Variants in AK9 observed in about 807,000 individuals in gnomAD.
AK9 encodes adenylate kinase 9.
A neutral mutation model predicts 239.6 loss-of-function variants in AK9; 191 were observed. The ratio of observed to expected loss-of-function variants is 0.80; its 90% CI spans 0.71 to 0.90. The LOEUF (loss-of-function observed/expected upper bound fraction) is 0.90, where lower values mean the gene tolerates loss of function less well. Ranked by LOEUF, AK9 falls within the 40% of genes least tolerant of loss-of-function variation. The probability of loss-of-function intolerance (pLI) is 0.00; values close to 1 mark genes in which losing one functional copy is unlikely to be tolerated. For synonymous variants in AK9, 689 were observed against 721.0 expected (o/e 0.96, Z 0.71); for missense variants, 1,995 against 2,214.7 (o/e 0.90, Z 1.99).
chr6:109,500,744 G>A (rs1479628764), intron 35 of AK9, among the ~76,000 whole-genome samples: 1 of 152,198 alleles, frequency 6.6e-6, no homozygotes, highest in Non-Finnish European at 1.5e-5. Flanking sequence ...TCAGCCAGGT[G>A]TGGTGGCTCA....
intron 12 of AK9, among the ~76,000 whole-genome samples, chr6:109,625,666 A>T (rs1010364002): frequency 3.9e-5 from 6 of 152,122 alleles, no homozygotes; most frequent in African/African-American, 1.4e-4. Context: ...TCATCCTGAA[A>T]CCATCCTCCA....
At chr6:109,580,033 T>C (rs1397167813) in intron 19 of AK9, among the ~76,000 whole-genome samples, 1 of 152,176 alleles carries the variant, frequency 6.6e-6, no homozygotes, top group Non-Finnish European at 1.5e-5. Context: ...AGAATGCATA[T>C]AAATGAGGAT....
chr6:109,514,853 C>T (rs981261312), intron 31 of AK9, among the ~76,000 whole-genome samples: 4 of 152,130 alleles, frequency 2.6e-5, no homozygotes, highest in Admixed American at 2.6e-4. Flanking sequence ...GAGGCCCTAG[C>T]ACCCCAAGTG....
chr6:109,634,573 A>G (rs1796493576), intron 10 of AK9, among the ~76,000 whole-genome samples: 1 of 152,214 alleles, frequency 6.6e-6, no homozygotes. Flanking sequence ...ATGATCTTCC[A>G]TGGACCACTG....
At chr6:109,579,368 C>A in intron 20 of AK9, 182 bp downstream of exon 20, 2 of 554,182 alleles carry the variant, frequency 3.6e-6, no homozygotes, top group Non-Finnish European at 6.4e-6. Flanking sequence ...ATTTAGTATA[C>A]AAACTGGAAC....
intron 26 of AK9, among the ~76,000 whole-genome samples, chr6:109,543,541 G>C (rs1783154365): frequency 6.6e-6 from 1 of 151,990 alleles, no homozygotes; most frequent in Non-Finnish European, 1.5e-5. Context: ...TCCGCCTCCT[G>C]GGTTCAAGTG....
At chr6:109,630,033 T>C (rs1795956476) in intron 12 of AK9, among the ~76,000 whole-genome samples, 1 of 152,210 alleles carries the variant, frequency 6.6e-6, no homozygotes, top group Non-Finnish European at 1.5e-5. Flanking sequence ...ATAAGACCCT[T>C]GCACTATCTA....
intron 5 of AK9, among the ~76,000 whole-genome samples, chr6:109,666,140 T>G (rs972290420): frequency 3.9e-5 from 6 of 152,214 alleles, no homozygotes; most frequent in African/African-American, 1.4e-4. Context: ...GGCTCTACCC[T>G]CTGAGAGATG....
intron 9 of AK9, 68 bp from the exon 10 acceptor site, chr6:109,641,684 T>TG: frequency 1.4e-6 from 2 of 1,396,660 alleles, no homozygotes; most frequent in South Asian, 2.4e-5. Context: ...GAAACAGTGG[T>TG]GGGCTTATGA....
At chr6:109,597,361 C>T (rs1052832808) in intron 17 of AK9, among the ~76,000 whole-genome samples, 3 of 152,074 alleles carry the variant, frequency 2.0e-5, no homozygotes, top group African/African-American at 4.8e-5. Flanking sequence ...TTGAAACAAA[C>T]GTTAAAAATT....
intron 39 of AK9, chr6:109,494,621 G>A (rs190311752): frequency 6.6e-6 from 1 of 152,490 alleles, no homozygotes; most frequent in Admixed American, 6.5e-5. Flanking sequence ...TCCCCTATGG[G>A]TGGGCCTCAT....
intron 8 of AK9, among the ~76,000 whole-genome samples, chr6:109,655,550 C>T (rs1799570463): frequency 6.6e-6 from 1 of 152,148 alleles, no homozygotes; most frequent in South Asian, 2.1e-4. Context: ...GAAATTGAAG[C>T]TATCATTCTT....
Position 109,499,186 on chromosome 6 carries a change from C to A in AK9, c.4904G>T (p.Arg1635Leu), listed in dbSNP as rs749268272. 1 of 1,592,032 alleles carries A rather than the reference C, an allele frequency of 6.3e-7. No individual in the cohort carries two copies. The change falls in exon 36 of 41, where the codon CGC becomes CTC. Residue 1635 changes from arginine (R) to leucine (L), a missense_variant. This residue lies in a region of AK9 where 391 missense variants were observed against 456.0 expected (regional missense o/e 0.86). Transcript: ENST00000424296. ...GCAGAACTGTTCAAATTCTCCCAGG[C>A]GAGAAAGCAGCTCTTGAGGTGTGAT... ...LCITPQELLS[R>L]LGEFEQFCPV...
intron 27 of AK9, among the ~76,000 whole-genome samples, chr6:109,533,757 T>C (rs1023827752): frequency 6.6e-6 from 1 of 152,112 alleles, no homozygotes; most frequent in Non-Finnish European, 1.5e-5. Context: ...TCAAAATATA[T>C]CAAGTTGGAT....
chr6:109,508,660 G>T (rs1407228458), intron 33 of AK9, among the ~76,000 whole-genome samples: 1 of 152,202 alleles, frequency 6.6e-6, no homozygotes, highest in African/African-American at 2.4e-5. Context: ...TTACTACTGG[G>T]TATGGCCCGT....
At chr6:109,688,255 C>T (rs1244874784) in intron 1 of AK9, among the ~76,000 whole-genome samples, 3 of 152,252 alleles carry the variant, frequency 2.0e-5, no homozygotes, top group African/African-American at 7.2e-5. Flanking sequence ...TATGGTACAA[C>T]CCCTTTAGGA....
chr6:109,597,264 G>A (rs1791164150), intron 17 of AK9, among the ~76,000 whole-genome samples: 1 of 152,154 alleles, frequency 6.6e-6, no homozygotes, highest in South Asian at 2.1e-4. Context: ...GTTTGAAAGT[G>A]ACTCTATCAG....
intron 19 of AK9, among the ~76,000 whole-genome samples, chr6:109,583,752 G>A (rs963476920): frequency 6.6e-6 from 1 of 152,028 alleles, no homozygotes; most frequent in East Asian, 1.9e-4. Context: ...AGAAAGTGGA[G>A]AAGATATCTT....
intron 5 of AK9, among the ~76,000 whole-genome samples, chr6:109,668,693 A>G (rs1801625375): frequency 1.1e-5 from 1 of 92,276 alleles, no homozygotes; most frequent in Non-Finnish European, 2.5e-5. Context: ...GATTTGTCAA[A>G]GATCAGATAG....
Sources: gnomAD v4.1 joint callset for allele counts (sites outside exome capture counted in the v4.1 genomes callset) on GRCh38, gnomAD v4.1.1 for gene constraint, gnomAD v4.1.1 regional missense constraint, MANE v1.5 for transcripts, NCBI Gene and HGNC (gene_info 2026-07-23, HGNC 2026-07-21) for gene names.